AFG2A: variants seen among roughly 807,000 people sequenced by gnomAD.
AFG2A encodes ATPase family gene 2 protein homolog A.
chr4:123,178,767 G>A, the AFG2A span, among the ~76,000 whole-genome samples: 40 of 152,240 alleles, frequency 2.6e-4, no homozygotes, highest in Middle Eastern at 6.8e-3. Flanking sequence ...ATGTTAGCTT[G>A]CAACCTCTTT....
the AFG2A span, among the ~76,000 whole-genome samples, chr4:123,167,596 C>T: frequency 6.6e-6 from 1 of 152,196 alleles, no homozygotes; most frequent in Non-Finnish European, 1.5e-5. Context: ...ATCCACCCAC[C>T]TCGGCCTCCC....
the AFG2A span, among the ~76,000 whole-genome samples, chr4:122,961,449 G>A: frequency 2.0e-5 from 3 of 152,138 alleles, no homozygotes; most frequent in Admixed American, 6.5e-5. Context: ...AATCTTGCCC[G>A]TCAGTAAGAA....
the AFG2A span, among the ~76,000 whole-genome samples, chr4:123,159,422 G>A: frequency 3.9e-5 from 6 of 152,100 alleles, no homozygotes; most frequent in African/African-American, 9.7e-5. Context: ...GTCAAGAGGC[G>A]TTTGATTATA....
the AFG2A span, among the ~76,000 whole-genome samples, chr4:122,958,411 AT>A: frequency 6.6e-6 from 1 of 152,214 alleles, no homozygotes; most frequent in Non-Finnish European, 1.5e-5. Context: ...TCTTGACCAG[AT>A]TCGTGAGTTT....
the AFG2A span, among the ~76,000 whole-genome samples, chr4:123,085,184 G>A: frequency 6.6e-6 from 1 of 152,118 alleles, no homozygotes; most frequent in Middle Eastern, 3.2e-3. Flanking sequence ...TGTGTTGGCT[G>A]TTGCTGTATG....
At chr4:123,010,484 G>A in the AFG2A span, among the ~76,000 whole-genome samples, 2 of 152,116 alleles carry the variant, frequency 1.3e-5, no homozygotes, top group Non-Finnish European at 2.9e-5. Context: ...GCCAGGCCAA[G>A]CATTCAAAAC....
chr4:123,255,906 G>A, the AFG2A span: 4 of 1,241,590 alleles, frequency 3.2e-6, no homozygotes, highest in East Asian at 4.9e-5. Flanking sequence ...TACCAATTAC[G>A]AATAATAGTG....
chr4:123,055,813 C>G, the AFG2A span, among the ~76,000 whole-genome samples: 1 of 152,064 alleles, frequency 6.6e-6, no homozygotes, highest in Non-Finnish European at 1.5e-5. Context: ...AGAAACATCC[C>G]CACAACTGAG....
At chr4:122,962,311 T>C in the AFG2A span, among the ~76,000 whole-genome samples, 1 of 152,050 alleles carries the variant, frequency 6.6e-6, no homozygotes, top group Non-Finnish European at 1.5e-5. Context: ...GCTAGATAAA[T>C]AAGCAGTAAT....
the AFG2A span, among the ~76,000 whole-genome samples, chr4:122,950,938 G>A: frequency 3.3e-5 from 5 of 152,314 alleles, no homozygotes; most frequent in Non-Finnish European, 7.4e-5. Flanking sequence ...ATAGTGGCAG[G>A]CTCCAATTCT....
At chr4:123,090,987 A>T in the AFG2A span, among the ~76,000 whole-genome samples, 1 of 152,240 alleles carries the variant, frequency 6.6e-6, no homozygotes. Flanking sequence ...CTCAAGGTTC[A>T]GGAAAACTGC....
the AFG2A span, among the ~76,000 whole-genome samples, chr4:123,060,247 G>A: frequency 6.6e-6 from 1 of 152,214 alleles, no homozygotes; most frequent in Non-Finnish European, 1.5e-5. Flanking sequence ...CCATTCTAGG[G>A]TGTGGAGGAT....
chr4:122,996,926 CT>C, the AFG2A span, among the ~76,000 whole-genome samples: 2 of 151,986 alleles, frequency 1.3e-5, no homozygotes, highest in African/African-American at 4.8e-5. Flanking sequence ...CAAATTTTGC[CT>C]TTTTACTGCC....
the AFG2A span, among the ~76,000 whole-genome samples, chr4:122,932,136 GT>G: frequency 1.3e-5 from 2 of 151,752 alleles, no homozygotes; most frequent in African/African-American, 4.8e-5. Context: ...TTAGCTGAGC[GT>G]GGTGGTGAGC....
At chr4:122,925,688 T>TC in the AFG2A span, among the ~76,000 whole-genome samples, 20 of 152,346 alleles carry the variant, frequency 1.3e-4, no homozygotes, top group African/African-American at 4.8e-4. Flanking sequence ...TGAAATTAGG[T>TC]CAGATCCCAC....
the AFG2A span, among the ~76,000 whole-genome samples, chr4:123,275,202 A>G: frequency 6.6e-6 from 1 of 152,132 alleles, no homozygotes; most frequent in Non-Finnish European, 1.5e-5. Flanking sequence ...CCTTGAGTCA[A>G]TGCATTCACT....
At chr4:123,264,932 G>A in the AFG2A span, among the ~76,000 whole-genome samples, 2 of 152,092 alleles carry the variant, frequency 1.3e-5, no homozygotes, top group African/African-American at 2.4e-5. Context: ...GGGATATGTA[G>A]TATGGTTATG....
chr4:122,935,951 A>G, the AFG2A span: 2 of 1,322,744 alleles, frequency 1.5e-6, no homozygotes, highest in East Asian at 2.6e-5. Context: ...ACACTGAAAT[A>G]TTTTGCTTCT....
At chr4:123,083,024 A>G in the AFG2A span, among the ~76,000 whole-genome samples, 17 of 152,252 alleles carry the variant, frequency 1.1e-4, no homozygotes, top group East Asian at 5.8e-4. Context: ...CAACCTTGCT[A>G]TAATTGCTTA....
Sources: allele counts gnomAD v4.1 joint callset (sites outside exome capture counted in the v4.1 genomes callset), GRCh38; gene constraint gnomAD v4.1.1; transcripts MANE v1.5; gene names NCBI Gene and HGNC (gene_info 2026-07-23, HGNC 2026-07-21).